DYNC2LI1: variants seen among roughly 807,000 people sequenced by gnomAD.
DYNC2LI1 encodes the protein dynein cytoplasmic 2 light intermediate chain 1, also known as cytoplasmic dynein 2 light intermediate chain 1.
DYNC2LI1 carries 45 observed loss-of-function variants against 51.9 expected under a neutral mutation model. That is an observed-to-expected ratio of 0.87 (90% confidence interval 0.68 to 1.11). DYNC2LI1 has a LOEUF of 1.11. Ranked by LOEUF, DYNC2LI1 falls within the 50% of genes most tolerant of loss-of-function variation. DYNC2LI1 has a pLI of 0.00. For missense variants in DYNC2LI1, 490 were observed against 417.4 expected (o/e 1.17, Z -1.51); for synonymous variants, 130 against 137.8 (o/e 0.94, Z 0.40).
At chr2:43,792,826 G>T in intron 5 of DYNC2LI1, 1 of 1,513,174 alleles carries the variant, frequency 6.6e-7, no homozygotes, top group Non-Finnish European at 8.8e-7. Context: ...GTATGTGTCA[G>T]GATTTCCCTC....
intron 2 of DYNC2LI1, among the ~76,000 whole-genome samples, chr2:43,781,426 A>G (rs55770011): frequency 0.094 from 14,203 of 151,776 alleles, 840 homozygotes; most frequent in Admixed American, 0.2. Flanking sequence ...CTAGTGTACC[A>G]TGAAAATTTG....
At chr2:43,777,603 C>A (rs1027431976) in intron 2 of DYNC2LI1, among the ~76,000 whole-genome samples, 2 of 152,234 alleles carry the variant, frequency 1.3e-5, no homozygotes, top group African/African-American at 4.8e-5. Flanking sequence ...GTGTGGGGTT[C>A]AAATTCCTGT....
the DYNC2LI1 span, chr2:43,824,734 G>T: frequency 1.1e-6 from 1 of 926,050 alleles, no homozygotes; most frequent in Non-Finnish European, 1.3e-6. Context: ...TCTCTGGCAA[G>T]TTCATTGACC....
the DYNC2LI1 span, chr2:43,823,924 G>T: frequency 1.2e-6 from 2 of 1,614,034 alleles, no homozygotes; most frequent in Non-Finnish European, 1.7e-6. Context: ...CAGATTCACA[G>T]CGTTCAGCAT....
At chr2:43,813,542 A>C (rs368946924), downstream of DYNC2LI1, among the ~76,000 whole-genome samples, 273 of 152,176 alleles carry the variant, frequency 1.8e-3, 1 homozygote, top group African/African-American at 6.3e-3. Context: ...CATATTTGTG[A>C]TAAAAATCAT....
At chr2:43,801,042 T>G in intron 9 of DYNC2LI1, 125 bp downstream of exon 9, 1 of 354,090 alleles carries the variant, frequency 2.8e-6, no homozygotes, top group Non-Finnish European at 5.1e-6. Flanking sequence ...ATGGCTTTTC[T>G]TAAAGGGATA....
the DYNC2LI1 span, among the ~76,000 whole-genome samples, chr2:43,816,226 C>G: frequency 1.3e-5 from 2 of 152,248 alleles, no homozygotes; most frequent in African/African-American, 4.8e-5. Context: ...CTAATTGGTC[C>G]AAGGCCTAAT....
At chr2:43,826,573 G>A in the DYNC2LI1 span, 2 of 1,613,258 alleles carry the variant, frequency 1.2e-6, no homozygotes, top group Middle Eastern at 3.3e-4. Context: ...CCCAGGCTCT[G>A]TGCTTAAAAC....
rs1403825852 is a variant in DYNC2LI1 at position 43,787,120 on chromosome 2, GT to G, written c.162-60del. The G allele has an allele frequency of 5.9e-6, 8 of 1,356,174 alleles. No individual in the cohort carries two copies. The East Asian group carries it at 1.8e-4, about 31-fold the overall frequency. The allele number at this position is 1,356,174 out of a possible 1,614,324, so 84.0% of individuals were successfully genotyped here. A position where few individuals can be genotyped will look rare whatever the true frequency, so the allele number is the denominator to read the frequency against. On this transcript the variant is annotated intron_variant, in intron 3 of 12. Coordinates refer to ENST00000260605, the MANE Select transcript of DYNC2LI1 (RefSeq NM_016008.4). ...AGGAAGGAAAAATGAATCAGGTAAGGTGATAGCATAAGAAACTAATACCACC... is the reference window on the plus strand; with the variant it reads ...AGGAAGGAAAAATGAATCAGGTAAGGGATAGCATAAGAAACTAATACCACC...
Position 43,805,197 on chromosome 2 carries a change from C to A in DYNC2LI1, c.944C>A (p.Pro315His), listed in dbSNP as rs989894903. Residue 315 changes from proline (P) to histidine (H), a missense_variant, in exon 12 of 13, where the codon CCT becomes CAT. Transcript: ENST00000260605. ...LKDIKDPARD[P>H]QYAENEVDEM... ...GATATCAAGGACCCTGCGAGAGATCCTCAGTATGCTGAAAATGAAGTCGAT... is the reference window on the plus strand; with the variant it reads ...GATATCAAGGACCCTGCGAGAGATCATCAGTATGCTGAAAATGAAGTCGAT... The A allele has an allele frequency of 3.7e-6, 6 of 1,611,744 alleles. No homozygotes were observed. The highest frequency in any genetic ancestry group is 5.1e-6 in the Non-Finnish European group (6 of 1,178,304).
At position 43,788,027 on chromosome 2, in the gene DYNC2LI1, A is replaced by C. The variant is rs751270976; in HGVS notation, c.231+777A>C. On this transcript the variant is annotated intron_variant, in intron 4 of 12. Coordinates refer to ENST00000260605, the MANE Select transcript of DYNC2LI1 (RefSeq NM_016008.4). ...TTAAAACTGAAATTTAAAGAAAAAAACATAATATATAGAGATACAGGAGAA... is the reference window on the plus strand; with the variant it reads ...TTAAAACTGAAATTTAAAGAAAAAACCATAATATATAGAGATACAGGAGAA... 7.0e-4 allele frequency among the ~76,000 whole-genome samples: 106 copies of C among 152,244 alleles called. 1 individual carries two copies. The highest frequency in any genetic ancestry group is 1.3e-3 in the Non-Finnish European group (89 of 68,044).
the DYNC2LI1 span, among the ~76,000 whole-genome samples, chr2:43,825,277 C>T: frequency 0.039 from 5,877 of 152,232 alleles, 372 homozygotes; most frequent in African/African-American, 0.13. Context: ...CCCATCCTGA[C>T]GCCCAGCTTC....
At chr2:43,792,707 T>C in intron 5 of DYNC2LI1, 6 of 1,548,774 alleles carry the variant, frequency 3.9e-6, no homozygotes, top group Non-Finnish European at 5.2e-6. Context: ...ACTGCCTGTC[T>C]CTATGAATTT....
chr2:43,822,435 G>A, the DYNC2LI1 span: 1 of 832,062 alleles, frequency 1.2e-6, no homozygotes, highest in Non-Finnish European at 1.4e-6. Context: ...GAATGTGTCT[G>A]TTTTAAGGTT....
the DYNC2LI1 span, chr2:43,822,799 G>A: frequency 3.7e-6 from 6 of 1,614,166 alleles, no homozygotes; most frequent in Non-Finnish European, 4.2e-6. Context: ...CCCCTCACCA[G>A]TAGCACACAC....
At chr2:43,791,816 A>G (rs953748610) in intron 5 of DYNC2LI1, among the ~76,000 whole-genome samples, 39 of 152,330 alleles carry the variant, frequency 2.6e-4, no homozygotes, top group African/African-American at 9.4e-4. Flanking sequence ...CACTTTAGAC[A>G]ATTTGTAATA....
the DYNC2LI1 span, among the ~76,000 whole-genome samples, chr2:43,820,289 T>G: frequency 6.6e-6 from 1 of 152,208 alleles, no homozygotes; most frequent in Non-Finnish European, 1.5e-5. Context: ...ATCAAATTGT[T>G]CCCATTGGCT....
chr2:43,792,623 A>C, intron 5 of DYNC2LI1: 1 of 1,491,242 alleles, frequency 6.7e-7, no homozygotes, highest in Non-Finnish European at 8.9e-7. Context: ...TGATCTTCTC[A>C]AACTGAAACT....
At chr2:43,787,053 G>A (rs948702362) in intron 3 of DYNC2LI1, 128 bp from the exon 4 acceptor site, 41 of 618,964 alleles carry the variant, frequency 6.6e-5, no homozygotes, top group African/African-American at 6.2e-4. Context: ...TTATTTCAAC[G>A]CTATTATACA....
Sources: allele counts gnomAD v4.1 joint callset (sites outside exome capture counted in the v4.1 genomes callset), GRCh38; gene constraint gnomAD v4.1.1; transcripts MANE v1.5; gene names NCBI Gene and HGNC (gene_info 2026-07-23, HGNC 2026-07-21).